Variants in PDGFD observed in about 807,000 individuals in gnomAD.
The protein encoded by PDGFD is platelet derived growth factor D.
In PDGFD, 30 loss-of-function variants were observed where a neutral mutation model predicts 44.7. The observed-to-expected ratio is 0.67, with a 90% CI of 0.50 to 0.91. The LOEUF is 0.91. Among genes scored for constraint, PDGFD ranks in the 40% least tolerant of loss-of-function variants. PDGFD has a pLI of 0.00. For synonymous variants in PDGFD, 173 were observed against 168.4 expected (o/e 1.03, Z -0.21); for missense variants, 445 against 457.8 (o/e 0.97, Z 0.25).
At chr11:103,927,680 T>C (rs1379043209) in intron 5 of PDGFD, among the ~76,000 whole-genome samples, 1 of 152,196 alleles carries the variant, frequency 6.6e-6, no homozygotes, top group Non-Finnish European at 1.5e-5. Context: ...GAGAAAATGA[T>C]TTTTTTGTGT....
intron 3 of PDGFD, among the ~76,000 whole-genome samples, chr11:103,949,391 G>T (rs769432246): frequency 2.0e-5 from 3 of 152,174 alleles, no homozygotes; most frequent in Non-Finnish European, 4.4e-5. Flanking sequence ...GACACTAAAA[G>T]GACACTGAAT....
intron 1 of PDGFD, among the ~76,000 whole-genome samples, chr11:104,054,045 C>T (rs982587238): frequency 6.6e-6 from 1 of 152,182 alleles, no homozygotes; most frequent in African/African-American, 2.4e-5. Flanking sequence ...AAGCCCACAG[C>T]GTCCACCATT....
At position 103,984,655 on chromosome 11, in the gene PDGFD, A is replaced by T. The variant is rs1049098717; in HGVS notation, c.510+11410T>A. On this transcript the variant is annotated intron_variant, in intron 3 of 6. Transcript: ENST00000393158. ...TACTTTTTGTTTACATTTCTACATAAATCAAATACATGTTGTATAGATGTA... is the reference window on the plus strand; with the variant it reads ...TACTTTTTGTTTACATTTCTACATATATCAAATACATGTTGTATAGATGTA... Among the ~76,000 whole-genome samples the T allele has an allele frequency of 9.3e-5, 14 of 151,260 alleles. No individual in the cohort carries two copies. The Admixed American group carries it at 9.3e-4, about 10-fold the overall frequency.
At chr11:104,109,385 G>A (rs1861518228) in intron 1 of PDGFD, among the ~76,000 whole-genome samples, 1 of 152,012 alleles carries the variant, frequency 6.6e-6, no homozygotes, top group Admixed American at 6.6e-5. Context: ...ACTTCATCGG[G>A]TTACTGAAGT....
intron 1 of PDGFD, among the ~76,000 whole-genome samples, chr11:104,067,856 G>C (rs1402082268): frequency 1.3e-5 from 2 of 152,106 alleles, no homozygotes; most frequent in Non-Finnish European, 2.9e-5. Context: ...AGCAATGGCA[G>C]ATAAGAAAAA....
intron 1 of PDGFD, among the ~76,000 whole-genome samples, chr11:104,086,528 T>C (rs543441187): frequency 6.6e-6 from 1 of 152,352 alleles, no homozygotes; most frequent in Non-Finnish European, 1.5e-5. Context: ...GTATAGATTT[T>C]AAAGGCAGTT....
In PDGFD at chr11:104,151,334, G is replaced by C. The variant is rs577080907; in HGVS notation, c.124+12470C>G. 2.5e-4 allele frequency among the ~76,000 whole-genome samples: 38 copies of C among 152,186 alleles called. No individual in the cohort carries two copies. The South Asian group carries it at 7.9e-3, about 32-fold the overall frequency. ...GAACTTTACACACGCATGCAAGCTG[G>C]ATGCGTAAATAGTACAAAGTAGTAA... On this transcript the variant is annotated intron_variant, in intron 1 of 6. Transcript: ENST00000393158.
intron 3 of PDGFD, among the ~76,000 whole-genome samples, chr11:103,982,390 G>A (rs1859285041): frequency 2.6e-5 from 4 of 151,784 alleles, no homozygotes; most frequent in African/African-American, 9.7e-5. Flanking sequence ...AGACGCTGCA[G>A]GTGTGAGCCA....
intron 1 of PDGFD, among the ~76,000 whole-genome samples, chr11:104,154,999 T>A (rs1862288339): frequency 6.6e-6 from 1 of 152,218 alleles, no homozygotes; most frequent in East Asian, 1.9e-4. Flanking sequence ...GTGTTTTCTA[T>A]GTTTTCATCC....
intron 1 of PDGFD, among the ~76,000 whole-genome samples, chr11:104,083,205 C>T (rs1195474007): frequency 6.6e-6 from 1 of 152,080 alleles, no homozygotes; most frequent in Non-Finnish European, 1.5e-5. Context: ...ACAAATACAT[C>T]TCAGAATCTT....
intron 1 of PDGFD, among the ~76,000 whole-genome samples, chr11:104,114,090 T>C (rs749748674): frequency 2.0e-5 from 3 of 152,068 alleles, no homozygotes; most frequent in Non-Finnish European, 4.4e-5. Context: ...GTAGAAAATT[T>C]TTAATTTTAA....
At chr11:104,106,907 C>A (rs1250766400) in intron 1 of PDGFD, among the ~76,000 whole-genome samples, 1 of 151,976 alleles carries the variant, frequency 6.6e-6, no homozygotes, top group Non-Finnish European at 1.5e-5. Context: ...CCACGCCTGG[C>A]TAATTTTTGT....
At chr11:104,158,148 C>T (rs977213597) in intron 1 of PDGFD, among the ~76,000 whole-genome samples, 47 of 152,146 alleles carry the variant, frequency 3.1e-4, no homozygotes, top group African/African-American at 1.1e-3. Context: ...TCCATTAAAG[C>T]GCATATCACA....
intron 1 of PDGFD, among the ~76,000 whole-genome samples, chr11:104,072,465 G>C (rs1860894558): frequency 1.3e-5 from 2 of 151,702 alleles, no homozygotes; most frequent in Non-Finnish European, 3.0e-5. Context: ...TATTATTTGA[G>C]TTAGTTTTAT....
intron 6 of PDGFD, among the ~76,000 whole-genome samples, chr11:103,911,607 C>T (rs536202692): frequency 3.9e-5 from 6 of 152,098 alleles, no homozygotes; most frequent in African/African-American, 1.4e-4. Flanking sequence ...AGCAAGGGAA[C>T]AAAACCAGAT....
intron 1 of PDGFD, among the ~76,000 whole-genome samples, chr11:104,060,307 G>T (rs1348732308): frequency 1.3e-5 from 2 of 152,166 alleles, no homozygotes; most frequent in African/African-American, 4.8e-5. Flanking sequence ...TGACTCATGT[G>T]GCTTCCTCTT....
intron 1 of PDGFD, among the ~76,000 whole-genome samples, chr11:104,149,736 A>G (rs535719029): frequency 6.6e-6 from 1 of 152,304 alleles, no homozygotes; most frequent in Non-Finnish European, 1.5e-5. Flanking sequence ...CCAGGGTCTC[A>G]GGTGGCCATA....
intron 1 of PDGFD, among the ~76,000 whole-genome samples, chr11:104,068,050 C>T (rs554858062): frequency 4.6e-5 from 7 of 152,144 alleles, no homozygotes; most frequent in South Asian, 2.1e-4. Context: ...TTAAAGAGTA[C>T]GTTTCTTTCC....
At chr11:104,057,868 A>C in intron 1 of PDGFD, among the ~76,000 whole-genome samples, 1 of 152,216 alleles carries the variant, frequency 6.6e-6, no homozygotes, top group East Asian at 1.9e-4. Context: ...AGACCCATAC[A>C]TATAGGGTCA....
Sources: allele counts gnomAD v4.1 joint callset (sites outside exome capture counted in the v4.1 genomes callset), GRCh38; gene constraint gnomAD v4.1.1; transcripts MANE v1.5; gene names NCBI Gene and HGNC (gene_info 2026-07-23, HGNC 2026-07-21).